The following CUX2 variants were observed in gnomAD, a reference collection of about 807,000 sequenced individuals.
CUX2 encodes homeobox protein cut-like 2.
Under a neutral mutation model 144.8 loss-of-function variants are expected in CUX2, and 40 were observed. The ratio of observed to expected loss-of-function variants is 0.28; its 90% CI spans 0.21 to 0.36. CUX2 has a LOEUF of 0.36. Ranked by LOEUF, CUX2 falls within the 10% of genes least tolerant of loss-of-function variation. CUX2 has a pLI of 1.00. For missense variants in CUX2, 1,615 were observed against 1,994.0 expected, an observed-to-expected ratio of 0.81 and a Z score of 3.62; for synonymous variants, 827 against 875.6, an observed-to-expected ratio of 0.94 and a Z score of 0.98.
At chr12:111,308,555 G>C in intron 14 of CUX2, 29 bp downstream of exon 14, 1 of 1,572,036 alleles carries the variant, frequency 6.4e-7, no homozygotes, top group Non-Finnish European at 8.7e-7. Flanking sequence ...CTGGGGCTGA[G>C]GGCTGGGGCG....
rs555352620 is a variant in CUX2, at chr12:111,037,451, G to A, written c.63+3211G>A. Among the ~76,000 whole-genome samples the A allele has an allele frequency of 6.6e-6, 1 of 152,354 alleles. No individual in the cohort carries two copies. The highest frequency in any genetic ancestry group is 2.4e-5 in the African/African-American group (1 of 41,578). On this transcript the variant is annotated intron_variant, in intron 1 of 21. Transcript: ENST00000261726. The surrounding 1 kb of genome is among the most constrained non-coding windows in gnomAD (Gnocchi z 5.4). ...CCTTCCAGCGCCGTCTCTGTACACA[G>A]CAGGGCTGTTTTCCTAGGCTGGAAG...
intron 6 of CUX2, among the ~76,000 whole-genome samples, chr12:111,294,163 A>T (rs1885839498): frequency 6.6e-6 from 1 of 152,196 alleles, no homozygotes; most frequent in Non-Finnish European, 1.5e-5. Context: ...GCTGGAGTGC[A>T]GTGTTGCAAT....
chr12:111,309,040 G>T (rs955724796), intron 14 of CUX2, among the ~76,000 whole-genome samples: 2 of 152,100 alleles, frequency 1.3e-5, no homozygotes, highest in Non-Finnish European at 2.9e-5. Context: ...GAGTAGCTGG[G>T]ATTACAGGCA....
intron 3 of CUX2, among the ~76,000 whole-genome samples, chr12:111,253,491 A>G (rs1300375541): frequency 6.6e-6 from 1 of 152,138 alleles, no homozygotes; most frequent in African/African-American, 2.4e-5. Context: ...GTGGCCCCAC[A>G]TGCCCTGCCC....
intron 3 of CUX2, among the ~76,000 whole-genome samples, chr12:111,219,548 T>C (rs1881734084): frequency 1.3e-5 from 2 of 152,224 alleles, no homozygotes; most frequent in African/African-American, 4.8e-5. Flanking sequence ...CTTGCTTGAG[T>C]TGGTGTGAAC....
chr12:111,052,821 G>A (rs1451719922), intron 1 of CUX2, among the ~76,000 whole-genome samples: 2 of 152,216 alleles, frequency 1.3e-5, no homozygotes, highest in Admixed American at 6.5e-5. Flanking sequence ...ATTCTGTCTA[G>A]TTTGGTGTGG....
chr12:111,207,080 G>A (rs1236348518), intron 1 of CUX2, among the ~76,000 whole-genome samples: 1 of 152,216 alleles, frequency 6.6e-6, no homozygotes, highest in Non-Finnish European at 1.5e-5. Context: ...TAGTTGGACG[G>A]ATGTTGGATA....
intron 4 of CUX2, among the ~76,000 whole-genome samples, chr12:111,268,048 C>T (rs1265617864): frequency 6.6e-6 from 1 of 152,292 alleles, no homozygotes; most frequent in East Asian, 1.9e-4. Context: ...CCTCCCACCT[C>T]TGCCTCCTGA....
In CUX2 at chr12:111,214,273, T is replaced by C. The variant is rs371927310; in HGVS notation, c.137T>C (p.Ile46Thr). 16 of 1,609,952 alleles carry C rather than the reference T, an allele frequency of 9.9e-6. No homozygotes were observed. The highest frequency in any genetic ancestry group is 5.1e-5 in the Admixed American group (3 of 59,370). Residue 46 changes from isoleucine to threonine, a missense_variant, in exon 2 of 22, where the codon ATT (isoleucine) becomes ACT (threonine). Transcript: ENST00000261726. ...EESEHSHKHLIELRREFKKNV... is the reference protein window; with the variant it reads ...EESEHSHKHLTELRREFKKNV... ...AGTGAACATTCTCATAAACATTTAA[T>C]TGAACTCCGCCGGGAATTTAAGAAA... is the stretch of plus-strand genomic sequence containing the variant.
chr12:111,245,880 G>A (rs1476617201), intron 3 of CUX2, among the ~76,000 whole-genome samples: 1 of 152,084 alleles, frequency 6.6e-6, no homozygotes, highest in African/African-American at 2.4e-5. Context: ...ACCCACGGGG[G>A]CCTGGCAGGT....
At chr12:111,148,671 C>T (rs542837605) in intron 1 of CUX2, among the ~76,000 whole-genome samples, 2 of 152,204 alleles carry the variant, frequency 1.3e-5, no homozygotes, top group South Asian at 2.1e-4. Context: ...GTAATTCCTC[C>T]GATAATCCTG....
intron 1 of CUX2, among the ~76,000 whole-genome samples, chr12:111,088,503 G>A (rs1011763369): frequency 3.3e-5 from 5 of 152,170 alleles, no homozygotes; most frequent in South Asian, 4.2e-4. Flanking sequence ...AAAATGCAGC[G>A]GGCTGAATCC....
rs1592927618 is a variant in CUX2 at position 111,293,370 on chromosome 12, C to T, written c.437-76C>T. 18 of 1,512,392 alleles carry T rather than the reference C, an allele frequency of 1.2e-5. No individual in the cohort carries two copies. The East Asian group carries it at 3.0e-4, about 26-fold the overall frequency. 93.7% of individuals were successfully genotyped at this position (1,512,392 alleles called of 1,614,324 possible). ...AATTGATCACAATCAATGATCGATC[C>T]GGTTTACAGAAAGCGGCTCTGGCTG... On this transcript the variant is annotated intron_variant, in intron 5 of 21. Transcript: ENST00000261726. The surrounding 1 kb of genome is among the most constrained non-coding windows in gnomAD (Gnocchi z 4.5).
intron 1 of CUX2, among the ~76,000 whole-genome samples, chr12:111,150,911 C>A (rs1026251171): frequency 2.0e-5 from 3 of 152,106 alleles, no homozygotes; most frequent in Admixed American, 1.3e-4. Flanking sequence ...GGAAACCCCC[C>A]CAGCCTCCTG....
intron 3 of CUX2, among the ~76,000 whole-genome samples, chr12:111,228,202 C>T (rs1463622941): frequency 2.0e-5 from 3 of 152,152 alleles, no homozygotes; most frequent in African/African-American, 7.2e-5. Context: ...GGAGTTACCT[C>T]AAAGATAGTA....
At chr12:111,073,383 A>G (rs1871342067) in intron 1 of CUX2, among the ~76,000 whole-genome samples, 1 of 152,038 alleles carries the variant, frequency 6.6e-6, no homozygotes, top group Non-Finnish European at 1.5e-5. Flanking sequence ...CTACACCACA[A>G]TTTTTCATCC....
intron 16 of CUX2, among the ~76,000 whole-genome samples, chr12:111,318,502 G>A (rs1887318350): frequency 6.6e-6 from 1 of 150,700 alleles, no homozygotes; most frequent in South Asian, 2.1e-4. Context: ...AACCACTTGA[G>A]CCCAGGAGTT....
At chr12:111,276,004 A>G (rs1884855938) in intron 4 of CUX2, among the ~76,000 whole-genome samples, 1 of 152,046 alleles carries the variant, frequency 6.6e-6, no homozygotes, top group South Asian at 2.1e-4. Context: ...CAAGATCCCG[A>G]TTTTCTATTT....
intron 18 of CUX2, among the ~76,000 whole-genome samples, chr12:111,328,513 C>T (rs1369218609): frequency 2.0e-5 from 3 of 152,068 alleles, no homozygotes; most frequent in East Asian, 3.9e-4. Flanking sequence ...CCTGTCCTGT[C>T]CCCATACACA....
Sources: allele counts gnomAD v4.1 joint callset (sites outside exome capture counted in the v4.1 genomes callset), GRCh38; gene constraint gnomAD v4.1.1; non-coding constraint Gnocchi (gnomAD v3.1); transcripts MANE v1.5; gene names NCBI Gene and HGNC (gene_info 2026-07-23, HGNC 2026-07-21).